RPS6KC1: variants seen among roughly 807,000 people sequenced by gnomAD.
RPS6KC1 encodes ribosomal protein S6 kinase C1, also known as inactive ribosomal protein S6 kinase delta-1.
A neutral mutation model predicts 103.8 loss-of-function variants in RPS6KC1; 54 were observed. That is an observed-to-expected ratio of 0.52 (90% CI 0.42 to 0.65). The LOEUF (loss-of-function observed/expected upper bound fraction) is 0.65. RPS6KC1 is among the 30% of genes least tolerant of loss of function. The pLI, the probability that RPS6KC1 is intolerant of heterozygous loss-of-function variation, is 0.00. For synonymous variants in RPS6KC1, 439 were observed against 438.7 expected (o/e 1.00, Z -0.01); for missense variants, 1,151 against 1,253.8 (o/e 0.92, Z 1.24).
the RPS6KC1 span, among the ~76,000 whole-genome samples, chr1:213,352,360 A>G: frequency 6.6e-6 from 1 of 152,244 alleles, no homozygotes; most frequent in Non-Finnish European, 1.5e-5. Flanking sequence ...TCAAGTAATA[A>G]GTACAAATTA....
At chr1:213,299,372 T>C in the RPS6KC1 span, among the ~76,000 whole-genome samples, 4 of 152,016 alleles carry the variant, frequency 2.6e-5, no homozygotes, top group African/African-American at 9.7e-5. Flanking sequence ...GCCAACATGG[T>C]GAAACCCTGT....
the RPS6KC1 span, among the ~76,000 whole-genome samples, chr1:213,343,063 C>A: frequency 6.6e-6 from 1 of 151,170 alleles, no homozygotes. Flanking sequence ...AGTTGAAATA[C>A]AAGACAATAT....
At chr1:213,853,803 A>C in the RPS6KC1 span, among the ~76,000 whole-genome samples, 1 of 152,046 alleles carries the variant, frequency 6.6e-6, no homozygotes, top group Non-Finnish European at 1.5e-5. Flanking sequence ...GACTGGATTC[A>C]CTCCTGATGC....
At chr1:213,660,474 A>G in the RPS6KC1 span, among the ~76,000 whole-genome samples, 3 of 152,244 alleles carry the variant, frequency 2.0e-5, no homozygotes, top group African/African-American at 7.2e-5. Flanking sequence ...ACAAGCCCCA[A>G]TTAGAAAAAC....
chr1:213,152,108 C>T (rs1217746581), intron 6 of RPS6KC1, among the ~76,000 whole-genome samples: 2 of 136,976 alleles, frequency 1.5e-5, no homozygotes, highest in African/African-American at 2.8e-5. Context: ...AGAGGGGCTC[C>T]TCACTTCCCA....
At chr1:213,331,344 G>A in the RPS6KC1 span, among the ~76,000 whole-genome samples, 1 of 152,180 alleles carries the variant, frequency 6.6e-6, no homozygotes, top group Non-Finnish European at 1.5e-5. Context: ...TCACCTATGG[G>A]TGAGTACTTT....
At chr1:213,651,237 A>G in the RPS6KC1 span, among the ~76,000 whole-genome samples, 30 of 152,316 alleles carry the variant, frequency 2.0e-4, no homozygotes, top group Non-Finnish European at 3.8e-4. Flanking sequence ...CATCTCCCCA[A>G]TAAAAACGCC....
chr1:213,199,481 A>G (rs2093071997), intron 8 of RPS6KC1, among the ~76,000 whole-genome samples: 1 of 152,246 alleles, frequency 6.6e-6, no homozygotes, highest in Non-Finnish European at 1.5e-5. Context: ...TAAACTAGGT[A>G]TTGAAGGAAA....
chr1:213,412,892 C>A, the RPS6KC1 span, among the ~76,000 whole-genome samples: 1 of 152,230 alleles, frequency 6.6e-6, no homozygotes, highest in Non-Finnish European at 1.5e-5. Context: ...AACACTCCCC[C>A]CAGCCACAGT....
chr1:213,439,250 G>C, the RPS6KC1 span, among the ~76,000 whole-genome samples: 1 of 152,128 alleles, frequency 6.6e-6, no homozygotes, highest in African/African-American at 2.4e-5. Context: ...AGAAAGTCTA[G>C]CTCACTTCAA....
chr1:213,454,234 C>T, the RPS6KC1 span, among the ~76,000 whole-genome samples: 1 of 152,132 alleles, frequency 6.6e-6, no homozygotes, highest in Non-Finnish European at 1.5e-5. Flanking sequence ...AAAGACCATG[C>T]TCTTTGAACA....
chr1:213,242,337 T>C, intron 11 of RPS6KC1, 40 bp downstream of exon 11: 2 of 1,602,342 alleles, frequency 1.2e-6, no homozygotes, highest in Non-Finnish European at 1.7e-6. Context: ...TTATTCGCTG[T>C]TGCTTCCAAT....
At chr1:213,554,039 C>T in the RPS6KC1 span, among the ~76,000 whole-genome samples, 1,060 of 152,206 alleles carry the variant, frequency 7.0e-3, 17 homozygotes, top group African/African-American at 0.024. Context: ...TAGGCCCCAC[C>T]TGTTAATGTT....
the RPS6KC1 span, among the ~76,000 whole-genome samples, chr1:213,535,286 T>C: frequency 1.3e-5 from 2 of 152,142 alleles, no homozygotes; most frequent in Non-Finnish European, 2.9e-5. Flanking sequence ...AGAAGGCAAA[T>C]ATTGCCAACC....
At chr1:213,513,789 T>C in the RPS6KC1 span, among the ~76,000 whole-genome samples, 1 of 152,248 alleles carries the variant, frequency 6.6e-6, no homozygotes, top group Non-Finnish European at 1.5e-5. Flanking sequence ...GATAATATTG[T>C]ACAAAGTGGA....
At chr1:213,840,931 A>G in the RPS6KC1 span, 1 of 152,184 alleles carries the variant, frequency 6.6e-6, no homozygotes, top group Admixed American at 6.6e-5. Context: ...TTCTTTTCCC[A>G]TTGAGAGAAA....
chr1:213,265,727 A>T (rs1049988400), intron 14 of RPS6KC1, among the ~76,000 whole-genome samples: 13 of 152,324 alleles, frequency 8.5e-5, no homozygotes, highest in Non-Finnish European at 1.3e-4. Flanking sequence ...GCTAGAAATA[A>T]TTTCAGGTAA....
chr1:213,120,223 A>G (rs1274999000), intron 5 of RPS6KC1, among the ~76,000 whole-genome samples: 1 of 152,202 alleles, frequency 6.6e-6, no homozygotes, highest in Non-Finnish European at 1.5e-5. Flanking sequence ...TCTGAAACAC[A>G]CTGTGATCCA....
At chr1:213,641,042 T>C in the RPS6KC1 span, among the ~76,000 whole-genome samples, 1 of 152,088 alleles carries the variant, frequency 6.6e-6, no homozygotes, top group Admixed American at 6.6e-5. Context: ...AGAATTGTTA[T>C]GTCTTTTTGG....
Sources: gnomAD v4.1 joint callset for allele counts (sites outside exome capture counted in the v4.1 genomes callset) on GRCh38, gnomAD v4.1.1 for gene constraint, MANE v1.5 for transcripts, NCBI Gene and HGNC (gene_info 2026-07-23, HGNC 2026-07-21) for gene names.